The following JAKMIP1 variants were observed in gnomAD, a reference collection of about 807,000 sequenced individuals.
JAKMIP1 encodes the protein janus kinase and microtubule-interacting protein 1.
A neutral mutation model predicts 113.0 loss-of-function variants in JAKMIP1; 33 were observed. The ratio of observed to expected loss-of-function variants is 0.29; its 90% CI spans 0.22 to 0.39. The LOEUF (loss-of-function observed/expected upper bound fraction) is 0.39. Among genes scored for constraint, JAKMIP1 ranks in the 10% least tolerant of loss-of-function variants. The pLI is 1.00. For missense variants in JAKMIP1, 813 were observed against 1,080.5 expected, an observed-to-expected ratio of 0.75 and a Z score of 3.47; for synonymous variants, 480 against 459.9, an observed-to-expected ratio of 1.04 and a Z score of -0.56.
intron 1 of JAKMIP1, among the ~76,000 whole-genome samples, chr4:6,160,823 T>C (rs546347075): frequency 2.0e-5 from 3 of 150,388 alleles, no homozygotes; most frequent in Non-Finnish European, 4.4e-5. Flanking sequence ...CTCCACTGAC[T>C]CACTGACCTC....
At chr4:6,117,318 C>T (rs1407206558) in intron 1 of JAKMIP1, among the ~76,000 whole-genome samples, 2 of 152,054 alleles carry the variant, frequency 1.3e-5, no homozygotes, top group African/African-American at 2.4e-5. Context: ...TAAAGCTGGG[C>T]GTCCGGGGGA....
intron 1 of JAKMIP1, among the ~76,000 whole-genome samples, chr4:6,130,873 A>G (rs1718393983): frequency 6.6e-6 from 1 of 152,076 alleles, no homozygotes; most frequent in Non-Finnish European, 1.5e-5. Context: ...ATAAATAAAA[A>G]AAACGAATAT....
chr4:6,163,331 A>T (rs1723189883), intron 1 of JAKMIP1, among the ~76,000 whole-genome samples: 1 of 152,220 alleles, frequency 6.6e-6, no homozygotes, highest in African/African-American at 2.4e-5. Flanking sequence ...TATTTCAAAC[A>T]TTTCCATTTT....
chr4:6,050,497 G>GCACTC lies in JAKMIP1; in HGVS notation c.1908+76_1908+80dup. On this transcript the variant is annotated intron_variant, in intron 14 of 20. Coordinates refer to ENST00000409021, the MANE Select transcript of JAKMIP1 (RefSeq NM_001099433.2). This position sits in a 1 kb window ranked among gnomAD's most constrained non-coding sequence, Gnocchi z 7.4. ...TCTCATGAAAATCAATTCTATCCCA[G>GCACTC]CACTCCCCCTTTGCAGCTGAGCCGG... 1 of 927,374 alleles carries GCACTC rather than the reference G, an allele frequency of 1.1e-6. No individual in the cohort carries two copies. The allele number at this position is 927,374 out of a possible 1,614,324, so 57.4% of individuals were successfully genotyped here. A position where few individuals can be genotyped will look rare whatever the true frequency, so the allele number is the denominator to read the frequency against.
Position 6,065,121 on chromosome 4 carries a change from T to C in JAKMIP1, c.1303-113A>G, listed in dbSNP as rs145140784. On this transcript the variant is annotated intron_variant, in intron 8 of 20. Coordinates refer to ENST00000409021, the MANE Select transcript of JAKMIP1 (RefSeq NM_001099433.2). This position sits in a 1 kb window ranked among gnomAD's most constrained non-coding sequence, Gnocchi z 5.1. The stretch of plus-strand genomic sequence containing the variant: ...GGGTGATGATTGACATTTGGGCCAC[T>C]GGGGCATCACAAGATGCGGTTGGTG... 16,054 of 1,322,086 alleles carry C rather than the reference T, an allele frequency of 0.012. 129 individuals are homozygous for C. Among genetic ancestry groups the C allele is most frequent in the Non-Finnish European group, 0.014 (13,136 of 933,478 alleles). The allele number at this position is 1,322,086 out of a possible 1,614,324, so 81.9% of individuals were successfully genotyped here. A position where few individuals can be genotyped will look rare whatever the true frequency, so the allele number is the denominator to read the frequency against.
intron 1 of JAKMIP1, among the ~76,000 whole-genome samples, chr4:6,170,716 ATCC>A: frequency 1.3e-5 from 1 of 74,430 alleles, no homozygotes; most frequent in Admixed American, 1.3e-4. Flanking sequence ...CACCACCACC[ATCC>A]CCATCCCCAT....
In JAKMIP1 at chr4:6,168,297, T is replaced by C. The variant is rs932786501; in HGVS notation, c.-148+31956A>G. Among the ~76,000 whole-genome samples, 17 of 152,126 alleles carry C rather than the reference T, an allele frequency of 1.1e-4. No individual in the cohort carries two copies. Among genetic ancestry groups the C allele is most frequent in the African/African-American group, 3.6e-4 (15 of 41,422 alleles). ...GCAGTTCTACTCCTAAATATGTAAC[T>C]GAAAGATGGGAAAACATATGTGCAC... On this transcript the variant is annotated intron_variant, in intron 1 of 20. Coordinates refer to ENST00000409021, the MANE Select transcript of JAKMIP1 (RefSeq NM_001099433.2). The surrounding 1 kb of genome is among the most constrained non-coding windows in gnomAD (Gnocchi z 4.6).
intron 1 of JAKMIP1, among the ~76,000 whole-genome samples, chr4:6,161,338 C>G (rs1722933566): frequency 6.9e-6 from 1 of 145,598 alleles, no homozygotes; most frequent in Non-Finnish European, 1.5e-5. Flanking sequence ...CTCCCCTAGC[C>G]TCCACATTGC....
intron 1 of JAKMIP1, among the ~76,000 whole-genome samples, chr4:6,134,660 C>A (rs1312802747): frequency 1.3e-5 from 2 of 152,348 alleles, no homozygotes; most frequent in Admixed American, 1.3e-4. Context: ...GACAGCCAGG[C>A]CTGTTGCCTC....
chr4:6,029,395 A>G (rs1367100133), intron 20 of JAKMIP1, among the ~76,000 whole-genome samples: 1 of 152,120 alleles, frequency 6.6e-6, no homozygotes, highest in Non-Finnish European at 1.5e-5. Context: ...GATGCCACTG[A>G]CCTCATCGGG....
At chr4:6,066,396 T>C (rs1718080461) in intron 8 of JAKMIP1, among the ~76,000 whole-genome samples, 1 of 152,188 alleles carries the variant, frequency 6.6e-6, no homozygotes, top group African/African-American at 2.4e-5. Flanking sequence ...AGAACGTTCT[T>C]GCATTTGGCA....
At chr4:6,041,216 C>T (rs1446179010) in intron 17 of JAKMIP1, among the ~76,000 whole-genome samples, 1 of 152,290 alleles carries the variant, frequency 6.6e-6, no homozygotes, top group East Asian at 1.9e-4. Context: ...CTCCGGAGTG[C>T]AAATCTCTTT....
chr4:6,169,997 C>T (rs865998254), intron 1 of JAKMIP1, among the ~76,000 whole-genome samples: 1,110 of 109,844 alleles, frequency 0.01, 22 homozygotes, highest in Admixed American at 0.063. Flanking sequence ...ACCACCACCA[C>T]CACCACCACC....
rs1175686421 is a variant in JAKMIP1, at chr4:6,097,400, A to T, written c.624+8073T>A. Among the ~76,000 whole-genome samples the T allele has an allele frequency of 6.6e-6, 1 of 152,222 alleles. No homozygotes were observed. Among genetic ancestry groups the T allele is most frequent in the Non-Finnish European group, 1.5e-5 (1 of 68,036 alleles). On this transcript the variant is annotated intron_variant, in intron 3 of 20. Coordinates refer to ENST00000409021, the MANE Select transcript of JAKMIP1 (RefSeq NM_001099433.2). The surrounding 1 kb of genome is among the most constrained non-coding windows in gnomAD (Gnocchi z 4.3). The stretch of plus-strand genomic sequence containing the variant: ...GATAATGTGCTCATGGTAACATGTG[A>T]GCTTGCTTGCATGGGGAGTCTGGGT...
intron 1 of JAKMIP1, among the ~76,000 whole-genome samples, chr4:6,170,448 T>C (rs1266201253): frequency 2.4e-5 from 3 of 126,298 alleles, no homozygotes; most frequent in South Asian, 5.8e-4. Flanking sequence ...ACCACCTCCA[T>C]CACCATCACC....
At position 6,197,920 on chromosome 4, in the gene JAKMIP1, A is replaced by G. The variant is rs1728016410; in HGVS notation, c.-148+2333T>C. On this transcript the variant is annotated intron_variant, in intron 1 of 20. Transcript: ENST00000409021. The surrounding 1 kb of genome is among the most constrained non-coding windows in gnomAD (Gnocchi z 6.5). The stretch of plus-strand genomic sequence containing the variant: ...CAGCCCAATCCACCCTTACACACCA[A>G]GAGAGTGGGGCCACGGTCCTGCCAC... 2.6e-5 allele frequency among the ~76,000 whole-genome samples: 4 copies of G among 152,172 alleles called. No individual in the cohort carries two copies. Among genetic ancestry groups the G allele is most frequent in the Admixed American group, 2.6e-4 (4 of 15,276 alleles).
intron 1 of JAKMIP1, among the ~76,000 whole-genome samples, chr4:6,133,830 C>T (rs1227472603): frequency 6.6e-6 from 1 of 152,180 alleles, no homozygotes; most frequent in Non-Finnish European, 1.5e-5. Flanking sequence ...CACTTCTGGG[C>T]TAAAGCTCTT....
At position 6,060,447 on chromosome 4, in the gene JAKMIP1, T is replaced by C; in HGVS notation, c.1621A>G (p.Lys541Glu). The change falls in exon 11 of 21, where the codon AAG becomes GAG. Residue 541 changes from lysine to glutamate, a missense_variant. Transcript: ENST00000409021. The part of the protein sequence containing the change: ...RCQAKIEDLE[K>E]LLVEKGQDSK... ...ACCTGTCCCTTCTCAACCAGTAACT[T>C]CTCCAAATCTTCGATTTTGGCCTGA... 1.2e-6 allele frequency: 2 copies of C among 1,613,802 alleles called. No homozygotes were observed. The highest frequency in any genetic ancestry group is 1.7e-5 in the Admixed American group (1 of 60,016).
intron 1 of JAKMIP1, among the ~76,000 whole-genome samples, chr4:6,190,077 G>A (rs1328405588): frequency 2.0e-5 from 3 of 152,220 alleles, no homozygotes; most frequent in Non-Finnish European, 2.9e-5. Flanking sequence ...TGTAGAGGAA[G>A]TCAGCGGGTG....
Sources: allele counts gnomAD v4.1 joint callset (sites outside exome capture counted in the v4.1 genomes callset), GRCh38; gene constraint gnomAD v4.1.1; non-coding constraint Gnocchi (gnomAD v3.1); transcripts MANE v1.5; gene names NCBI Gene and HGNC (gene_info 2026-07-23, HGNC 2026-07-21).